The following PDS5A variants were observed in gnomAD, a reference collection of about 807,000 sequenced individuals.
PDS5A encodes sister chromatid cohesion protein PDS5 homolog A.
PDS5A carries 42 observed loss-of-function variants against 167.1 expected under a neutral mutation model. The ratio of observed to expected loss-of-function variants is 0.25; its 90% confidence interval spans 0.20 to 0.33. PDS5A has a LOEUF of 0.33. Ranked by LOEUF, PDS5A falls within the 10% of genes least tolerant of loss-of-function variation. PDS5A has a pLI of 1.00. For synonymous variants in PDS5A, 553 were observed against 554.6 expected, an observed-to-expected ratio of 1.00 and a Z score of 0.04; for missense variants, 1,033 against 1,605.9, an observed-to-expected ratio of 0.64 and a Z score of 6.10.
chr4:39,895,293 A>G (rs1293359799), intron 16 of PDS5A, among the ~76,000 whole-genome samples: 1 of 152,096 alleles, frequency 6.6e-6, no homozygotes, highest in African/African-American at 2.4e-5. Flanking sequence ...TAAATGGTAT[A>G]GCGTACTACT....
At chr4:39,913,236 C>T (rs930195998) in intron 9 of PDS5A, among the ~76,000 whole-genome samples, 2 of 151,984 alleles carry the variant, frequency 1.3e-5, no homozygotes, top group African/African-American at 4.8e-5. Context: ...AGGTGCCGGT[C>T]ACCACCCCTG....
At chr4:39,887,140 C>T (rs1322598105) in intron 17 of PDS5A, among the ~76,000 whole-genome samples, 2 of 152,076 alleles carry the variant, frequency 1.3e-5, no homozygotes, top group African/African-American at 4.8e-5. Context: ...CCAGGACTTC[C>T]AGTAATTTGT....
chr4:39,866,022 C>A (rs878981063), intron 23 of PDS5A, among the ~76,000 whole-genome samples: 4 of 150,454 alleles, frequency 2.7e-5, no homozygotes, highest in Admixed American at 2.6e-4. Context: ...TGTAAACAAT[C>A]TCTGTGTGCA....
In PDS5A at chr4:39,862,296, T is replaced by A; in HGVS notation, c.3009A>T (p.Pro1003=). 1.3e-6 allele frequency: 2 copies of A among 1,528,622 alleles called. No homozygotes were observed. The highest frequency in any genetic ancestry group is 1.8e-6 in the Non-Finnish European group (2 of 1,126,368). The allele number at this position is 1,528,622 out of a possible 1,614,324, so 94.7% of individuals were successfully genotyped here. The change falls in exon 26 of 33, where the codon CCA becomes CCT. Residue 1003 remains proline (P), a synonymous_variant. Transcript: ENST00000303538. ...LLSLLPEYVV[P]YMIHLLAHDP... Reference sequence around the variant, plus strand: ...CATGGGCTAGCAGGTGAATCATGTATGGAACTACATATTCAGGCAACAGTG... The same window carrying A: ...CATGGGCTAGCAGGTGAATCATGTAAGGAACTACATATTCAGGCAACAGTG...
At chr4:39,969,513 A>G (rs1467115351) in intron 2 of PDS5A, among the ~76,000 whole-genome samples, 1 of 152,110 alleles carries the variant, frequency 6.6e-6, no homozygotes, top group Non-Finnish European at 1.5e-5. Flanking sequence ...CTAAAAATAC[A>G]AAGTTAGCCA....
At chr4:39,859,954 C>T (rs1039344452) in intron 26 of PDS5A, among the ~76,000 whole-genome samples, 13 of 152,258 alleles carry the variant, frequency 8.5e-5, no homozygotes, top group Middle Eastern at 3.4e-3. Context: ...GTTCCTCAGG[C>T]TGGGTGTGGT....
chr4:39,863,574 C>T (rs1246196412), intron 23 of PDS5A, 115 bp from the exon 24 acceptor site: 5 of 646,802 alleles, frequency 7.7e-6, no homozygotes, highest in South Asian at 4.8e-5. Context: ...TTTAAAATGA[C>T]GTACAAATAT....
chr4:39,918,198 A>AAG (rs1210230589), intron 7 of PDS5A, among the ~76,000 whole-genome samples: 1 of 151,502 alleles, frequency 6.6e-6, no homozygotes, highest in Non-Finnish European at 1.5e-5. Flanking sequence ...AAAAAAAAAA[A>AAG]AAACAGAATA....
intron 2 of PDS5A, among the ~76,000 whole-genome samples, chr4:39,938,658 T>C (rs1249272343): frequency 6.6e-6 from 1 of 151,984 alleles, no homozygotes; most frequent in African/African-American, 2.4e-5. Context: ...AGAAGACTGA[T>C]TAAACTGTAT....
intron 5 of PDS5A, among the ~76,000 whole-genome samples, chr4:39,925,228 AAATCAGAATTTGAGCCTCCTGTCCAGC>A (rs1456961626): frequency 6.6e-6 from 1 of 152,202 alleles, no homozygotes; most frequent in African/African-American, 2.4e-5. Context: ...ACATGGGCTA[AAATCAGAATTTGAGCCTCCTGTCCAGC>A]AACTGGTCCT....
chr4:39,901,390 C>T (rs1722876663), intron 13 of PDS5A, among the ~76,000 whole-genome samples: 1 of 151,204 alleles, frequency 6.6e-6, no homozygotes, highest in Non-Finnish European at 1.5e-5. Context: ...GCCTCAGCCT[C>T]CCTAGTAGCT....
At chr4:39,834,098 T>G (rs1325217585) in intron 32 of PDS5A, among the ~76,000 whole-genome samples, 1 of 150,808 alleles carries the variant, frequency 6.6e-6, no homozygotes, top group Non-Finnish European at 1.5e-5. Context: ...GTGCCTGTAG[T>G]CCCAGCTACC....
Position 39,922,645 on chromosome 4 carries a change from T to G in PDS5A, c.631A>C (p.Ile211Leu), listed in dbSNP as rs1384311282. ...ACCTTATGTGCAGGAATGAGGTTAA[T>G]AAGAATGGAGTCCAATAATTCTTGA... Reference protein sequence around the residue: ...VTQELLDSILINLIPAHKNLN... With the variant: ...VTQELLDSILLNLIPAHKNLN... The change falls in exon 6 of 33, where the codon ATT becomes CTT. Residue 211 changes from isoleucine (I) to leucine (L), a missense_variant. By Grantham distance (5) the Ile-to-Leu change is conservative. This residue lies in a region of PDS5A where 388 missense variants were observed against 615.1 expected (regional missense o/e 0.63). Transcript: ENST00000303538. The G allele has an allele frequency of 6.3e-7, 1 of 1,595,426 alleles. No homozygotes were observed.
In PDS5A at chr4:39,869,358, T is replaced by A. The variant is rs760456862; in HGVS notation, c.2505+36A>T. ...AGATAACTACAAAATGTCCCTTTTT[T>A]AAACATGAAGATTATCAAGGCCTAA... On this transcript the variant is annotated intron_variant, in intron 22 of 32. Transcript: ENST00000303538. The A allele has an allele frequency of 1.1e-5, 13 of 1,232,546 alleles. 1 individual carries two copies. The highest frequency in any genetic ancestry group is 1.8e-5 in the Admixed American group (1 of 55,854). 76.4% of individuals were successfully genotyped at this position (1,232,546 alleles called of 1,614,324 possible). A position where few individuals can be genotyped will look rare whatever the true frequency, so the allele number is the denominator to read the frequency against.
At chr4:39,973,793 C>T in intron 2 of PDS5A, 1 of 1,249,642 alleles carries the variant, frequency 8.0e-7, no homozygotes, top group Non-Finnish European at 1.2e-6. Context: ...CCAGCACCTC[C>T]TTCAGGTTAC....
At chr4:39,836,222 G>A in intron 32 of PDS5A, among the ~76,000 whole-genome samples, 1 of 152,142 alleles carries the variant, frequency 6.6e-6, no homozygotes, top group African/African-American at 2.4e-5. Flanking sequence ...GGTTTGAGAA[G>A]AAAGTCATGT....
At chr4:39,953,988 T>C (rs760090927) in intron 2 of PDS5A, among the ~76,000 whole-genome samples, 1 of 151,792 alleles carries the variant, frequency 6.6e-6, no homozygotes, top group Non-Finnish European at 1.5e-5. Context: ...ATCTACCAAG[T>C]TAAAAACAAA....
At chr4:39,891,290 T>G (rs2109622263) in intron 16 of PDS5A, among the ~76,000 whole-genome samples, 1 of 150,954 alleles carries the variant, frequency 6.6e-6, no homozygotes, top group Non-Finnish European at 1.5e-5. Flanking sequence ...CGCCTCGGCC[T>G]CCCAAAATGC....
chr4:39,975,235 C>T (rs1367584094), intron 2 of PDS5A, among the ~76,000 whole-genome samples: 2 of 152,174 alleles, frequency 1.3e-5, no homozygotes, highest in East Asian at 1.9e-4. Flanking sequence ...GAGATCCCGC[C>T]GCCGCACACA....
Sources: allele counts gnomAD v4.1 joint callset (sites outside exome capture counted in the v4.1 genomes callset), GRCh38; gene constraint gnomAD v4.1.1; regional missense constraint gnomAD v4.1.1; transcripts MANE v1.5; gene names NCBI Gene and HGNC (gene_info 2026-07-23, HGNC 2026-07-21).